The following RASAL3 variants were observed in gnomAD, a reference collection of about 807,000 sequenced individuals.
RASAL3 encodes the protein RAS protein activator like-3.
A neutral mutation model predicts 105.5 loss-of-function variants in RASAL3; 74 were observed. The ratio of observed to expected loss-of-function variants is 0.70; its 90% confidence interval spans 0.58 to 0.85. The LOEUF (loss-of-function observed/expected upper bound fraction) is 0.85, where lower values mean the gene tolerates loss of function less well. Among genes scored for constraint, RASAL3 ranks in the 40% least tolerant of loss-of-function variants. The pLI, the probability that RASAL3 is intolerant of heterozygous loss-of-function variation, is 0.00. For synonymous variants in RASAL3, 579 were observed against 591.6 expected (o/e 0.98, Z 0.31); for missense variants, 1,352 against 1,392.0 (o/e 0.97, Z 0.46).
At chr19:15,459,186 G>A (rs184308859) in intron 6 of RASAL3, among the ~76,000 whole-genome samples, 346 of 151,750 alleles carry the variant, frequency 2.3e-3, no homozygotes, top group African/African-American at 7.6e-3. Flanking sequence ...TGATCCACCC[G>A]CCTCAGCCTC....
chr19:15,460,366 G>T, intron 5 of RASAL3, 108 bp from the exon 6 acceptor site: 1 of 962,598 alleles, frequency 1.0e-6, no homozygotes, highest in Non-Finnish European at 1.6e-6. Context: ...CCAACACCAA[G>T]CTCAGGCTGT....
intron 2 of RASAL3, among the ~76,000 whole-genome samples, chr19:15,463,020 T>C (rs565079844): frequency 3.9e-5 from 6 of 152,060 alleles, no homozygotes; most frequent in African/African-American, 9.6e-5. Flanking sequence ...TCTTGTGATA[T>C]CCATTACTCT....
At chr19:15,454,288 GAGA>G in intron 13 of RASAL3, 21 bp from the exon 14 acceptor site, 1 of 1,564,762 alleles carries the variant, frequency 6.4e-7, no homozygotes, top group Non-Finnish European at 8.7e-7. Flanking sequence ...ATGCAGGACA[GAGA>G]CTGAGCAAAG....
intron 11 of RASAL3, among the ~76,000 whole-genome samples, chr19:15,455,537 T>C (rs1970289192): frequency 6.6e-6 from 1 of 152,166 alleles, no homozygotes; most frequent in African/African-American, 2.4e-5. Flanking sequence ...GGACAAGGAA[T>C]TGGGTCTCAG....
rs1388182634 is a variant in RASAL3, at chr19:15,460,313, T to C, written c.607-55A>G. On this transcript the variant is annotated intron_variant, in intron 5 of 17. Coordinates refer to ENST00000343625, the MANE Select transcript of RASAL3 (RefSeq NM_022904.3). The stretch of plus-strand genomic sequence containing the variant: ...AAATCTGTGCTCCTTCCTCAGCTCC[T>C]TCCCTCCCAAGACATCCCAGAGGAT... The C allele has an allele frequency of 5.9e-6, 9 of 1,531,504 alleles. 1 individual carries two copies. In the African/African-American group the frequency reaches 9.6e-5, roughly 16 times the overall value. 94.9% of individuals were successfully genotyped at this position (1,531,504 alleles called of 1,614,324 possible). A position where few individuals can be genotyped will look rare whatever the true frequency, so the allele number is the denominator to read the frequency against.
chr19:15,461,539 G>A lies in RASAL3; in HGVS notation c.397C>T (p.Pro133Ser). The change falls in exon 3 of 18, where the codon CCT (proline) becomes TCT (serine). Residue 133 changes from proline (P) to serine (S), a missense_variant. By Grantham distance (74) the Pro-to-Ser change is moderately conservative. Transcript: ENST00000343625. ...GTGAAGCCCCCAATGTCCCAGACAG[G>A]CACGTTGGGTGTGGGGGCCTCAGGG... ...QIPEAPTPNV[P>S]VWDIGGFTLL... 1 of 1,535,834 alleles carries A rather than the reference G, an allele frequency of 6.5e-7. No homozygotes were observed. The highest frequency in any genetic ancestry group is 8.7e-7 in the Non-Finnish European group (1 of 1,144,002).
In RASAL3 at chr19:15,458,304, T is replaced by C. The variant is rs374835282; in HGVS notation, c.888+24A>G. The stretch of plus-strand genomic sequence containing the variant: ...CAGGCCTGTGGGCGGGGTCTCCGTG[T>C]CCCGCTTTTCTGAGGGCAATGACCT... On this transcript the variant is annotated intron_variant, in intron 8 of 17. Transcript: ENST00000343625. 2.3e-5 allele frequency: 37 copies of C among 1,605,328 alleles called. 1 individual carries two copies. The African/African-American group carries it at 4.8e-4, about 21-fold the overall frequency.
Position 15,453,086 on chromosome 19 carries a change from C to T in RASAL3, c.2670+21G>A. ...CGTCCCTGTTCCCACTCCCCAGGCGCGGACCTGGGCCTGACCTTACCTTGT... is the reference window on the plus strand; with the variant it reads ...CGTCCCTGTTCCCACTCCCCAGGCGTGGACCTGGGCCTGACCTTACCTTGT... On this transcript the variant is annotated intron_variant, in intron 15 of 17. Coordinates refer to ENST00000343625, the MANE Select transcript of RASAL3 (RefSeq NM_022904.3). The surrounding 1 kb of genome is among the most constrained non-coding windows in gnomAD (Gnocchi z 4.2). The T allele has an allele frequency of 6.2e-7, 1 of 1,612,740 alleles. No homozygotes were observed. Among genetic ancestry groups the T allele is most frequent in the South Asian group, 1.1e-5 (1 of 90,924 alleles).
chr19:15,464,340 T>C lies in RASAL3; in HGVS notation c.19A>G (p.Ser7Gly), dbSNP rs1427406447. The change falls in exon 2 of 18, where the codon AGC becomes GGC. Residue 7 changes from serine (S) to glycine (G), a missense_variant. Physicochemically the swap from Ser to Gly is moderately conservative, Grantham distance 56 (BLOSUM62 0). Coordinates refer to ENST00000343625, the MANE Select transcript of RASAL3 (RefSeq NM_022904.3). Reference sequence around the variant, plus strand: ...GTGGGCTGGGTTTGGGAGGTCCGGCTTGGCGACGGTGGGTCCATGGTTGGG... The same window carrying C: ...GTGGGCTGGGTTTGGGAGGTCCGGCCTGGCGACGGTGGGTCCATGGTTGGG... Reference protein sequence around the residue: MDPPSPSRTSQTQPTAT... With the variant: MDPPSPGRTSQTQPTAT... 3 of 1,358,524 alleles carry C rather than the reference T, an allele frequency of 2.2e-6. No homozygotes were observed. In the East Asian group the frequency reaches 1.2e-4, roughly 56 times the overall value. 84.2% of individuals were successfully genotyped at this position (1,358,524 alleles called of 1,614,324 possible).
chr19:15,453,430 A>G lies in RASAL3; in HGVS notation c.2347T>C (p.Ser783Pro), dbSNP rs1599733004. 1 of 1,534,322 alleles carries G rather than the reference A, an allele frequency of 6.5e-7. No individual in the cohort carries two copies. The highest frequency in any genetic ancestry group is 8.7e-7 in the Non-Finnish European group (1 of 1,152,508). Residue 783 changes from serine (S) to proline (P), a missense_variant, in exon 15 of 18, where the codon TCC (serine) becomes CCC (proline). Coordinates refer to ENST00000343625, the MANE Select transcript of RASAL3 (RefSeq NM_022904.3). The surrounding 1 kb of genome is among the most constrained non-coding windows in gnomAD (Gnocchi z 4.2). Reference protein sequence around the residue: ...RDLPKHTPLISKSQSLRSVRR... With the variant: ...RDLPKHTPLIPKSQSLRSVRR... ...ACGCTGCGCAGAGACTGGCTCTTGG[A>G]GATGAGAGGGGTGTGCTTGGGGAGG...
intron 8 of RASAL3, 107 bp downstream of exon 8, chr19:15,458,221 G>T: frequency 1.0e-6 from 1 of 997,560 alleles, no homozygotes; most frequent in African/African-American, 1.6e-5. Context: ...CGGGGCAGGT[G>T]TGTTGGGGGC....
Position 15,464,500 on chromosome 19 carries a change from CT to C in RASAL3, c.-20+4del. On this transcript the variant is annotated splice_donor_region_variant and intron_variant, in intron 1 of 17. Transcript: ENST00000343625. ...CCCTGCCCCCACCTCCACTCCCTCC[CT>C]TACCTTGGTTTCCTGACCAGCCCCA... The C allele has an allele frequency of 3.6e-6, 3 of 841,666 alleles. No homozygotes were observed. Among genetic ancestry groups the C allele is most frequent in the Non-Finnish European group, 5.4e-6 (3 of 550,726 alleles). The allele number at this position is 841,666 out of a possible 1,614,324, so 52.1% of individuals were successfully genotyped here.
At chr19:15,462,089 A>G (rs1267481214) in intron 2 of RASAL3, among the ~76,000 whole-genome samples, 1 of 152,146 alleles carries the variant, frequency 6.6e-6, no homozygotes, top group East Asian at 1.9e-4. Flanking sequence ...AAGGTGGCTC[A>G]TGCCTGTAAT....
At position 15,454,216 on chromosome 19, in the gene RASAL3, C is replaced by G. The variant is rs1055113453; in HGVS notation, c.2212G>C (p.Glu738Gln). 1 of 1,570,676 alleles carries G rather than the reference C, an allele frequency of 6.4e-7. No homozygotes were observed. The highest frequency in any genetic ancestry group is 1.9e-5 in the Admixed American group (1 of 53,162). Residue 738 changes from glutamate (E) to glutamine (Q), a missense_variant, in exon 14 of 18, where the codon GAG becomes CAG. By Grantham distance (29) the Glu-to-Gln change is conservative (BLOSUM62 2). Coordinates refer to ENST00000343625, the MANE Select transcript of RASAL3 (RefSeq NM_022904.3). ...PLPTILRAIE[E>Q]GQPVLVSVPM... is the part of the protein sequence containing the mutation. ...ACTGACACAAGCACAGGCTGGCCCT[C>G]CTCAATGGCTCGCAGGATGGTGGGC...
In RASAL3 at chr19:15,454,433, G is replaced by T. The variant is rs1201219445; in HGVS notation, c.2088C>A (p.Gly696=). 5 of 1,613,874 alleles carry T rather than the reference G, an allele frequency of 3.1e-6. No homozygotes were observed. Among genetic ancestry groups the T allele is most frequent in the African/African-American group, 2.7e-5 (2 of 74,924 alleles). The change falls in exon 13 of 18, where the codon GGC becomes GGA. Residue 696 remains glycine, a synonymous_variant. Coordinates refer to ENST00000343625, the MANE Select transcript of RASAL3 (RefSeq NM_022904.3). ...DVDAAPSGYQ[G]SGDLALQLAV... The stretch of plus-strand genomic sequence containing the variant: ...CTAACTGGAGGGCCAGATCACCACT[G>T]CCCTGGTAACCACTGGGGGCAGCAT...
At position 15,457,137 on chromosome 19, in the gene RASAL3, C is replaced by T. The variant is rs532601625; in HGVS notation, c.1431+155G>A. The stretch of plus-strand genomic sequence containing the variant: ...TGCCCCGCCCTTCTAGGTGCCCCGC[C>T]GCTTACAGGTGACACTTGGACCACG... On this transcript the variant is annotated intron_variant, in intron 9 of 17. Coordinates refer to ENST00000343625, the MANE Select transcript of RASAL3 (RefSeq NM_022904.3). The surrounding 1 kb of genome is among the most constrained non-coding windows in gnomAD (Gnocchi z 8.6). Among the ~76,000 whole-genome samples the T allele has an allele frequency of 3.3e-5, 5 of 152,160 alleles. No individual in the cohort carries two copies. In the East Asian group the frequency reaches 9.7e-4, roughly 30 times the overall value.
In RASAL3 at chr19:15,461,219, T is replaced by G. The variant is rs1970498245; in HGVS notation, c.543A>C (p.Pro181=). The G allele has an allele frequency of 6.2e-7, 1 of 1,613,820 alleles. No individual in the cohort carries two copies. Among genetic ancestry groups the G allele is most frequent in the South Asian group, 1.1e-5 (1 of 91,086 alleles). Residue 181 remains proline (P), a splice_region_variant and synonymous_variant, in exon 4 of 18, where the codon CCA becomes CCC. Coordinates refer to ENST00000343625, the MANE Select transcript of RASAL3 (RefSeq NM_022904.3). The part of the protein sequence containing the change: ...IHVAMGNFRD[P]DRMPGKTEPE... ...GGCCTTTCCACCCCTCAAGCTTACC[T>G]GGATCCCTGAAGTTCCCCATGGCCA...
chr19:15,453,375 C>T lies in RASAL3; in HGVS notation c.2402G>A (p.Arg801Gln), dbSNP rs539384460. ...VRRSESWARP[R>Q]PDEERPLRRP... is the part of the protein sequence containing the mutation. ...CCGCAGGGGCCGCTCTTCGTCCGGC[C>T]GTGGCCGGGCCCAACTCTCTGAGCG... Residue 801 changes from arginine to glutamine, a missense_variant, in exon 15 of 18, where the codon CGG (arginine) becomes CAG (glutamine). By Grantham distance (43) the Arg-to-Gln change is conservative. Coordinates refer to ENST00000343625, the MANE Select transcript of RASAL3 (RefSeq NM_022904.3). This position sits in a 1 kb window ranked among gnomAD's most constrained non-coding sequence, Gnocchi z 4.2. 4.8e-6 allele frequency: 7 copies of T among 1,457,690 alleles called. No individual in the cohort carries two copies. Among genetic ancestry groups the T allele is most frequent in the African/African-American group, 3.0e-5 (2 of 66,702 alleles). 90.3% of individuals were successfully genotyped at this position (1,457,690 alleles called of 1,614,324 possible).
chr19:15,458,390 G>T lies in RASAL3; in HGVS notation c.826C>A (p.Arg276Ser). The T allele has an allele frequency of 5.6e-6, 9 of 1,613,932 alleles. No homozygotes were observed. Among genetic ancestry groups the T allele is most frequent in the Non-Finnish European group, 7.6e-6 (9 of 1,179,852 alleles). ...CAGCGGTCTCTCTCAGCGGCCGAGC[G>T]ACAAGAGAAGCAGCGGCTTCCACCC... ...WTGGSRCFSC[R>S]SAAERDRWIE... Residue 276 changes from arginine to serine, a missense_variant, in exon 8 of 18, where the codon CGC (arginine) becomes AGC (serine). Arg to Ser is a moderately radical substitution (Grantham distance 110, BLOSUM62 -1). Transcript: ENST00000343625.
Sources: allele counts gnomAD v4.1 joint callset (sites outside exome capture counted in the v4.1 genomes callset), GRCh38; gene constraint gnomAD v4.1.1; non-coding constraint Gnocchi (gnomAD v3.1); transcripts MANE v1.5; gene names NCBI Gene and HGNC (gene_info 2026-07-23, HGNC 2026-07-21).